KLRD1: variants seen among roughly 807,000 people sequenced by gnomAD.
KLRD1 encodes killer cell lectin like receptor D1, also known as natural killer cells antigen CD94.
Under a neutral mutation model 22.6 loss-of-function variants are expected in KLRD1, and 21 were observed. The observed-to-expected ratio is 0.93, with a 90% CI of 0.66 to 1.34. KLRD1 has a LOEUF of 1.34. KLRD1 is among the 40% of genes most tolerant of loss of function. The pLI is 0.00. For missense variants in KLRD1, 183 were observed against 208.6 expected (o/e 0.88, Z 0.76); for synonymous variants, 59 against 71.1 (o/e 0.83, Z 0.85).
chr12:10,280,891 A>C (rs74062166), intron 1 of KLRD1, among the ~76,000 whole-genome samples: 5,289 of 152,210 alleles, frequency 0.035, 315 homozygotes, highest in African/African-American at 0.12. Flanking sequence ...ATAATAAACT[A>C]TGTGTGAATG....
chr12:10,282,481 T>A (rs912644845), intron 1 of KLRD1, among the ~76,000 whole-genome samples: 9 of 152,108 alleles, frequency 5.9e-5, no homozygotes, highest in African/African-American at 1.7e-4. Flanking sequence ...GATCTCGAAC[T>A]CCTGACCTCA....
chr12:10,270,054 T>C (rs1949536024), intron 1 of KLRD1, among the ~76,000 whole-genome samples: 1 of 152,190 alleles, frequency 6.6e-6, no homozygotes, highest in African/African-American at 2.4e-5. Context: ...CATTTTCACA[T>C]TTTATTACAT....
intron 1 of KLRD1, among the ~76,000 whole-genome samples, chr12:10,252,574 G>T (rs1176007405): frequency 6.6e-6 from 1 of 152,074 alleles, no homozygotes. Context: ...CTTCCCTCAT[G>T]TTACTTAAGA....
intron 1 of KLRD1, among the ~76,000 whole-genome samples, chr12:10,268,269 T>C (rs1949517792): frequency 6.6e-6 from 1 of 152,196 alleles, no homozygotes; most frequent in Admixed American, 6.5e-5. Flanking sequence ...GCCCCTAGCG[T>C]CACCTCACTA....
Position 10,308,161 on chromosome 12 carries a change from CTTTAAG to C in KLRD1, c.7+78_7+83del, listed in dbSNP as rs538876581. 1.1e-4 allele frequency: 138 copies of C among 1,279,712 alleles called. 1 individual carries two copies. In the African/African-American group the frequency reaches 1.9e-3, roughly 18 times the overall value. The allele number at this position is 1,279,712 out of a possible 1,614,324, so 79.3% of individuals were successfully genotyped here. A position where few individuals can be genotyped will look rare whatever the true frequency, so the allele number is the denominator to read the frequency against. On this transcript the variant is annotated intron_variant, in intron 1 of 5. Transcript: ENST00000336164. Reference sequence around the variant, plus strand: ...TGGATTGGCTGATTTTGGGGTAATGCTTTAAGAGAAAAGGACATGATTAACAGTGGA... The same window carrying C: ...TGGATTGGCTGATTTTGGGGTAATGCAGAAAAGGACATGATTAACAGTGGA...
chr12:10,290,274 A>G (rs754752573), intron 1 of KLRD1, among the ~76,000 whole-genome samples: 12 of 152,226 alleles, frequency 7.9e-5, no homozygotes, highest in Non-Finnish European at 1.8e-4. Flanking sequence ...CTTGGATTGT[A>G]GCTACGAAAT....
At chr12:10,282,578 A>T (rs1013968767) in intron 1 of KLRD1, among the ~76,000 whole-genome samples, 2 of 152,080 alleles carry the variant, frequency 1.3e-5, no homozygotes, top group African/African-American at 4.8e-5. Context: ...AATTACTATA[A>T]AGTTCATATA....
intron 1 of KLRD1, among the ~76,000 whole-genome samples, chr12:10,269,414 G>A (rs1045553945): frequency 3.3e-5 from 5 of 152,120 alleles, no homozygotes; most frequent in Non-Finnish European, 2.9e-5. Context: ...GCCTCCCAAA[G>A]TGCTGGGATT....
At chr12:10,289,102 G>T (rs971399831) in intron 1 of KLRD1, among the ~76,000 whole-genome samples, 3 of 152,228 alleles carry the variant, frequency 2.0e-5, no homozygotes, top group African/African-American at 7.2e-5. Context: ...CAGGGGCTCA[G>T]TTCCACTTCA....
At chr12:10,239,516 C>CCCCTTTCTTTCTTT (rs1949218360) in intron 1 of KLRD1, among the ~76,000 whole-genome samples, 1 of 54,298 alleles carries the variant, frequency 1.8e-5, no homozygotes, top group Admixed American at 3.0e-4. Flanking sequence ...CTCCTTCCCT[C>CCCCTTTCTTTCTTT]CCCTTTCTTT....
intron 1 of KLRD1, among the ~76,000 whole-genome samples, chr12:10,254,271 A>G (rs1303859843): frequency 6.6e-6 from 1 of 151,776 alleles, no homozygotes; most frequent in Non-Finnish European, 1.5e-5. Flanking sequence ...TACTAAAAAT[A>G]CAAAAAATTA....
chr12:10,295,656 C>T (rs34859528), intron 1 of KLRD1, among the ~76,000 whole-genome samples: 10,777 of 152,132 alleles, frequency 0.071, 435 homozygotes, highest in East Asian at 0.17. Flanking sequence ...TAACAAATTA[C>T]ATGAAGAGCA....
intron 1 of KLRD1, among the ~76,000 whole-genome samples, chr12:10,265,502 A>G (rs1949490585): frequency 6.6e-6 from 1 of 152,220 alleles, no homozygotes; most frequent in African/African-American, 2.4e-5. Context: ...CACGCCTGTA[A>G]TCCCAGCACT....
At chr12:10,286,360 T>G (rs1401182659) in intron 1 of KLRD1, among the ~76,000 whole-genome samples, 1 of 152,146 alleles carries the variant, frequency 6.6e-6, no homozygotes, top group Admixed American at 6.5e-5. Flanking sequence ...GAGCACTAAT[T>G]AGGTGTTAAA....
chr12:10,308,323 C>T, intron 1 of KLRD1: 2 of 495,254 alleles, frequency 4.0e-6, no homozygotes, highest in South Asian at 5.6e-5. Flanking sequence ...GACAGGGCTA[C>T]CTTTAAATTC....
In KLRD1 at chr12:10,324,644, A is replaced by G. The variant is rs968717821; in HGVS notation, c.*9851A>G. ...TTTCTTTACCTAGTCCATTGTCTCAATATACTTAAGTTATACTCAGTAATG... is the reference window on the plus strand; with the variant it reads ...TTTCTTTACCTAGTCCATTGTCTCAGTATACTTAAGTTATACTCAGTAATG... On this transcript the variant is annotated 3_prime_UTR_variant, in exon 6 of 6. Transcript: ENST00000336164. 1 of 151,530 alleles carries G rather than the reference A, an allele frequency of 6.6e-6. No individual in the cohort carries two copies. Among genetic ancestry groups the G allele is most frequent in the African/African-American group, 2.4e-5 (1 of 41,308 alleles). 9.4% of individuals were successfully genotyped at this position (151,530 alleles called of 1,614,324 possible). A position where few individuals can be genotyped will look rare whatever the true frequency, so the allele number is the denominator to read the frequency against.
chr12:10,268,331 T>C (rs1022351766), intron 1 of KLRD1, among the ~76,000 whole-genome samples: 1 of 152,138 alleles, frequency 6.6e-6, no homozygotes, highest in Non-Finnish European at 1.5e-5. Context: ...AGTATGTGAT[T>C]TATGTGATTT....
intron 1 of KLRD1, among the ~76,000 whole-genome samples, chr12:10,291,615 CTTTT>C (rs60356564): frequency 1.5e-4 from 22 of 145,030 alleles, no homozygotes; most frequent in Admixed American, 2.8e-4. Flanking sequence ...TCAGCCACAT[CTTTT>C]TTTTTTTTTT....
chr12:10,266,685 G>A (rs1949502101), intron 1 of KLRD1, among the ~76,000 whole-genome samples: 1 of 151,040 alleles, frequency 6.6e-6, no homozygotes, highest in Admixed American at 6.6e-5. Flanking sequence ...TTATATATAT[G>A]CACACACATA....
Sources: allele counts gnomAD v4.1 joint callset (sites outside exome capture counted in the v4.1 genomes callset), GRCh38; gene constraint gnomAD v4.1.1; transcripts MANE v1.5; gene names NCBI Gene and HGNC (gene_info 2026-07-23, HGNC 2026-07-21).